The following CDKL2 variants were observed in gnomAD, a reference collection of about 807,000 sequenced individuals.
CDKL2 encodes cyclin dependent kinase like 2, also known as cyclin-dependent kinase-like 2.
Under a neutral mutation model 63.9 loss-of-function variants are expected in CDKL2, and 64 were observed. That is an observed-to-expected ratio of 1.00 (90% confidence interval 0.82 to 1.23). The LOEUF (loss-of-function observed/expected upper bound fraction) is 1.23, where lower values mean the gene tolerates loss of function less well. CDKL2 is among the 50% of genes most tolerant of loss of function. The pLI, the probability that CDKL2 is intolerant of heterozygous loss-of-function variation, is 0.00. For missense variants in CDKL2, 656 were observed against 668.0 expected (o/e 0.98, Z 0.20); for synonymous variants, 211 against 229.2 (o/e 0.92, Z 0.72).
intron 6 of CDKL2, among the ~76,000 whole-genome samples, chr4:75,601,578 T>C (rs1054415261): frequency 2.0e-5 from 3 of 152,152 alleles, no homozygotes; most frequent in African/African-American, 7.2e-5. Context: ...AGATGATAAG[T>C]ACATGAAGGT....
chr4:75,611,641 G>A (rs1346458802), intron 3 of CDKL2, among the ~76,000 whole-genome samples: 4 of 150,902 alleles, frequency 2.7e-5, no homozygotes, highest in Admixed American at 2.6e-4. Context: ...CTGAAGCTTA[G>A]CAGGGAACCA....
intron 2 of CDKL2, among the ~76,000 whole-genome samples, chr4:75,616,449 G>A (rs1420010733): frequency 6.6e-6 from 1 of 152,034 alleles, no homozygotes; most frequent in Non-Finnish European, 1.5e-5. Context: ...GATCACCTGA[G>A]GTCAGGAGTT....
At chr4:75,585,629 A>C (rs539704038) in intron 12 of CDKL2, among the ~76,000 whole-genome samples, 281 of 151,890 alleles carry the variant, frequency 1.9e-3, no homozygotes, top group Non-Finnish European at 3.2e-3. Flanking sequence ...AGCAAAAATA[A>C]ATAGATACAG....
chr4:75,605,753 G>A, intron 4 of CDKL2, 119 bp from the exon 5 acceptor site: 1 of 593,688 alleles, frequency 1.7e-6, no homozygotes, highest in Non-Finnish European at 3.0e-6. Flanking sequence ...TCAGATTTCA[G>A]ATTCTCAGAT....
chr4:75,621,507 T>A (rs1578353153), intron 2 of CDKL2, among the ~76,000 whole-genome samples: 1 of 151,850 alleles, frequency 6.6e-6, no homozygotes, highest in East Asian at 1.9e-4. Flanking sequence ...GAATGCTATA[T>A]CCTGAGAAAA....
chr4:75,605,731 A>G lies in CDKL2; in HGVS notation c.543-97T>C, dbSNP rs1034912576. ...TGAGGTGATGCTCAAAGGAAATGCC[A>G]ACCAGAGCATTTCAGATTTCAGATT... On this transcript the variant is annotated intron_variant, in intron 4 of 13. Coordinates refer to ENST00000307465, the MANE Select transcript of CDKL2 (RefSeq NM_001330724.2). 7.0e-6 allele frequency: 5 copies of G among 715,186 alleles called. No homozygotes were observed. In the African/African-American group the frequency reaches 9.0e-5, roughly 13 times the overall value. 44.3% of individuals were successfully genotyped at this position (715,186 alleles called of 1,614,324 possible).
chr4:75,627,563 G>A (rs1018462249), intron 1 of CDKL2, among the ~76,000 whole-genome samples: 4 of 152,026 alleles, frequency 2.6e-5, no homozygotes, highest in Non-Finnish European at 4.4e-5. Flanking sequence ...GAGCCAGAGC[G>A]CCCGGCCTGA....
chr4:75,593,635 A>C (rs1348710853), intron 10 of CDKL2, among the ~76,000 whole-genome samples: 1 of 152,238 alleles, frequency 6.6e-6, no homozygotes, highest in African/African-American at 2.4e-5. Flanking sequence ...GTATTGAACC[A>C]GCTATTTTGA....
intron 6 of CDKL2, among the ~76,000 whole-genome samples, chr4:75,602,708 G>A (rs541171892): frequency 4.6e-5 from 7 of 151,882 alleles, no homozygotes; most frequent in African/African-American, 1.7e-4. Context: ...ATTTCTAATA[G>A]AGATGGGGTT....
intron 5 of CDKL2, 74 bp from the exon 6 acceptor site, chr4:75,604,030 A>G: frequency 1.4e-6 from 2 of 1,403,730 alleles, no homozygotes; most frequent in Non-Finnish European, 2.0e-6. Flanking sequence ...GGTGGTGTGA[A>G]GTAGAGGAAA....
Position 75,595,979 on chromosome 4 carries a change from AG to A in CDKL2, c.1416+267del, listed in dbSNP as rs1273246702. 50 of 144,470 alleles carry A rather than the reference AG, an allele frequency of 3.5e-4. 1 individual carries two copies. In the African/African-American group the frequency reaches 3.5e-3, roughly 10 times the overall value. 8.9% of individuals were successfully genotyped at this position (144,470 alleles called of 1,614,324 possible). ...GAGGAAGGAAGGAAGGAAGGAAAGA[AG>A]GAAGGAAGGAAGGAAGGAAGGAAGG... is the stretch of plus-strand genomic sequence containing the variant. On this transcript the variant is annotated intron_variant, in intron 10 of 13. Transcript: ENST00000307465.
chr4:75,581,786 T>C, intron 13 of CDKL2, 24 bp downstream of exon 13: 1 of 1,353,490 alleles, frequency 7.4e-7, no homozygotes, highest in Non-Finnish European at 1.1e-6. Context: ...CTGCACAGCT[T>C]TAAGTATGGG....
chr4:75,614,482 TA>T (rs1560590194), intron 2 of CDKL2, 33 bp from the exon 3 acceptor site: 1 of 1,364,428 alleles, frequency 7.3e-7, no homozygotes, highest in East Asian at 2.3e-5. Flanking sequence ...AGCTGTTATT[TA>T]AAAATGCAAA....
intron 10 of CDKL2, among the ~76,000 whole-genome samples, chr4:75,593,874 A>G (rs1341260883): frequency 6.6e-6 from 1 of 152,132 alleles, no homozygotes; most frequent in African/African-American, 2.4e-5. Context: ...TCACACACAC[A>G]CAAACACACA....
chr4:75,598,082 C>T lies in CDKL2; in HGVS notation c.1015G>A (p.Val339Ile), dbSNP rs750887905. Reference sequence around the variant, plus strand: ...TGTGAAACATGAACATTTACCTGTACCACAAGTGTTTTTCTTTCTTCAACT... The same window carrying T: ...TGTGAAACATGAACATTTACCTGTATCACAAGTGTTTTTCTTTCTTCAACT... ...SLVEERKTLV[V>I]QDTNADPKIK... Residue 339 changes from valine (V) to isoleucine (I), a missense_variant, in exon 8 of 14, where the codon GTA becomes ATA. Coordinates refer to ENST00000307465, the MANE Select transcript of CDKL2 (RefSeq NM_001330724.2). 3.3e-6 allele frequency: 5 copies of T among 1,513,438 alleles called. No homozygotes were observed. The highest frequency in any genetic ancestry group is 4.5e-6 in the Non-Finnish European group (5 of 1,117,548). 93.8% of individuals were successfully genotyped at this position (1,513,438 alleles called of 1,614,324 possible). A position where few individuals can be genotyped will look rare whatever the true frequency, so the allele number is the denominator to read the frequency against.
At position 75,577,148 on chromosome 4, in the gene CDKL2, T is replaced by C. The variant is rs1728058502; in HGVS notation, c.*2054A>G. ...ATATTTATTAATTTTAAAACATACA[T>C]ACATGCAGCAAGCCCACTGCTCCCC... On this transcript the variant is annotated 3_prime_UTR_variant, in exon 14 of 14. Transcript: ENST00000307465. Among the ~76,000 whole-genome samples, 1 of 152,154 alleles carries C rather than the reference T, an allele frequency of 6.6e-6. No individual in the cohort carries two copies. Among genetic ancestry groups the C allele is most frequent in the Admixed American group, 6.6e-5 (1 of 15,266 alleles).
chr4:75,597,294 C>A, intron 8 of CDKL2, 58 bp from the exon 9 acceptor site: 1 of 1,111,624 alleles, frequency 9.0e-7, no homozygotes. Flanking sequence ...GAAAATTTAC[C>A]TCTTCTTATA....
rs1164844701 is a variant in CDKL2, at chr4:75,603,967, A to G, written c.656-11T>C. 9 of 1,601,406 alleles carry G rather than the reference A, an allele frequency of 5.6e-6. No homozygotes were observed. Among genetic ancestry groups the G allele is most frequent in the Non-Finnish European group, 7.7e-6 (9 of 1,175,564 alleles). ...TTGGAATTAGATTACCTGGAAGTGA[A>G]AACAGCACATATCTCTGTTATTATA... On this transcript the variant is annotated splice_polypyrimidine_tract_variant and intron_variant, in intron 5 of 13. Transcript: ENST00000307465.
In CDKL2 at chr4:75,614,367, T is replaced by C; in HGVS notation, c.251A>G (p.Asp84Gly). The C allele has an allele frequency of 6.2e-7, 1 of 1,611,252 alleles. No homozygotes were observed. The highest frequency in any genetic ancestry group is 8.5e-7 in the Non-Finnish European group (1 of 1,178,484). ...KRWYLVFEFV[D>G]HTILDDLELF... The stretch of plus-strand genomic sequence containing the variant: ...CTCCAAGTCATCAAGAATTGTGTGG[T>C]CAACAAATTCAAAGACTAGGTACCA... The change falls in exon 3 of 14, where the codon GAC becomes GGC. Residue 84 changes from aspartate (D) to glycine (G), a missense_variant. Physicochemically the swap from Asp to Gly is moderately conservative, Grantham distance 94. Coordinates refer to ENST00000307465, the MANE Select transcript of CDKL2 (RefSeq NM_001330724.2).
Sources: gnomAD v4.1 joint callset for allele counts (sites outside exome capture counted in the v4.1 genomes callset) on GRCh38, gnomAD v4.1.1 for gene constraint, MANE v1.5 for transcripts, NCBI Gene and HGNC (gene_info 2026-07-23, HGNC 2026-07-21) for gene names.